Variants in NRXN3 observed in about 807,000 individuals in gnomAD.
NRXN3 encodes the protein neurexin III.
Under a neutral mutation model 137.6 loss-of-function variants are expected in NRXN3, and 32 were observed. The ratio of observed to expected loss-of-function variants is 0.23; its 90% confidence interval spans 0.18 to 0.31. The LOEUF is 0.31. Among genes scored for constraint, NRXN3 ranks in the 10% least tolerant of loss-of-function variants. The probability of loss-of-function intolerance (pLI) is 1.00; values close to 1 mark genes in which losing one functional copy is unlikely to be tolerated. For missense variants in NRXN3, 1,574 were observed against 2,062.5 expected, an observed-to-expected ratio of 0.76 and a Z score of 4.59; for synonymous variants, 798 against 784.5, an observed-to-expected ratio of 1.02 and a Z score of -0.29.
chr14:78,254,829 T>TTTTTC (rs2069265472), intron 2 of NRXN3, among the ~76,000 whole-genome samples: 1 of 152,144 alleles, frequency 6.6e-6, no homozygotes, highest in African/African-American at 2.4e-5. Flanking sequence ...AGTAGTATTT[T>TTTTTC]TTTTCTTTTC....
At chr14:79,800,985 A>T (rs2140488435) in intron 19 of NRXN3, among the ~76,000 whole-genome samples, 1 of 152,278 alleles carries the variant, frequency 6.6e-6, no homozygotes, top group East Asian at 1.9e-4. Flanking sequence ...TTTGCAAATT[A>T]AGGCCTCTGG....
chr14:79,471,527 C>T (rs1466300334), intron 16 of NRXN3, among the ~76,000 whole-genome samples: 1 of 152,176 alleles, frequency 6.6e-6, no homozygotes, highest in African/African-American at 2.4e-5. Flanking sequence ...GTATCTTAAG[C>T]TCATGTTGCA....
At chr14:79,372,875 C>T (rs1374708815) in intron 15 of NRXN3, among the ~76,000 whole-genome samples, 2 of 152,008 alleles carry the variant, frequency 1.3e-5, no homozygotes, top group African/African-American at 4.8e-5. Flanking sequence ...ATATCACAAC[C>T]CCTTCATTAG....
At chr14:78,251,776 G>A (rs1346964802) in intron 2 of NRXN3, among the ~76,000 whole-genome samples, 1 of 152,178 alleles carries the variant, frequency 6.6e-6, no homozygotes. Flanking sequence ...AGAGGAACAA[G>A]GTGGTATTTA....
chr14:79,005,374 G>A (rs1231561052), intron 15 of NRXN3, among the ~76,000 whole-genome samples: 1 of 151,858 alleles, frequency 6.6e-6, no homozygotes, highest in Non-Finnish European at 1.5e-5. Flanking sequence ...GTTCTTTTTT[G>A]TGGCCATCTA....
At chr14:79,600,501 A>C (rs1157553264) in intron 16 of NRXN3, among the ~76,000 whole-genome samples, 2 of 152,212 alleles carry the variant, frequency 1.3e-5, no homozygotes, top group East Asian at 3.8e-4. Context: ...ATAAGATATT[A>C]AGGTCAAATA....
At chr14:78,250,179 A>T (rs1204589692) in intron 2 of NRXN3, 4 of 475,712 alleles carry the variant, frequency 8.4e-6, no homozygotes, top group African/African-American at 2.0e-5. Flanking sequence ...TTGTGTCTAG[A>T]CAGTCTGGCT....
At chr14:78,277,953 G>GA (rs1294642621) in intron 2 of NRXN3, among the ~76,000 whole-genome samples, 1 of 152,068 alleles carries the variant, frequency 6.6e-6, no homozygotes, top group African/African-American at 2.4e-5. Context: ...GAAAAGCAAG[G>GA]AAAAAAATTA....
chr14:79,717,567 A>G (rs1230867832), intron 19 of NRXN3, among the ~76,000 whole-genome samples: 2 of 152,218 alleles, frequency 1.3e-5, no homozygotes, highest in Non-Finnish European at 2.9e-5. Flanking sequence ...AAAGCAATGC[A>G]GTTTAATTCT....
At chr14:78,893,807 A>G (rs944220830) in intron 10 of NRXN3, among the ~76,000 whole-genome samples, 20 of 151,956 alleles carry the variant, frequency 1.3e-4, no homozygotes, top group Non-Finnish European at 2.7e-4. Context: ...CCTTAGAGAT[A>G]TTGTGGGTGC....
At chr14:79,369,723 A>G (rs1203206470) in intron 15 of NRXN3, among the ~76,000 whole-genome samples, 1 of 152,170 alleles carries the variant, frequency 6.6e-6, no homozygotes, top group Non-Finnish European at 1.5e-5. Flanking sequence ...TAATCAGTTT[A>G]CTTGATAGTC....
chr14:79,689,978 T>A (rs2098710201), intron 17 of NRXN3, among the ~76,000 whole-genome samples: 1 of 152,204 alleles, frequency 6.6e-6, no homozygotes, highest in Non-Finnish European at 1.5e-5. Context: ...TACACCAATC[T>A]ATTCCGTAGT....
intron 2 of NRXN3, among the ~76,000 whole-genome samples, chr14:78,251,099 G>A (rs1031374495): frequency 6.6e-6 from 1 of 152,158 alleles, no homozygotes; most frequent in African/African-American, 2.4e-5. Context: ...TGGAGCACAG[G>A]TGCACCACAC....
intron 20 of NRXN3, among the ~76,000 whole-genome samples, chr14:79,815,218 G>C (rs1224170762): frequency 1.3e-5 from 2 of 152,146 alleles, no homozygotes; most frequent in Non-Finnish European, 2.9e-5. Flanking sequence ...GGAAGGATTT[G>C]ATTAGTTGGA....
At chr14:79,785,443 C>T (rs1474773083) in intron 19 of NRXN3, among the ~76,000 whole-genome samples, 3 of 152,180 alleles carry the variant, frequency 2.0e-5, no homozygotes, top group African/African-American at 7.2e-5. Flanking sequence ...TTTTTACTTT[C>T]CTGCCTCTAG....
chr14:78,721,137 T>G (rs2098457862), intron 8 of NRXN3, among the ~76,000 whole-genome samples: 1 of 152,228 alleles, frequency 6.6e-6, no homozygotes, highest in African/African-American at 2.4e-5. Context: ...ACGCACATTT[T>G]ATACCATTTT....
chr14:79,494,444 G>A (rs1378940330), intron 16 of NRXN3, among the ~76,000 whole-genome samples: 1 of 152,144 alleles, frequency 6.6e-6, no homozygotes, highest in African/African-American at 2.4e-5. Context: ...CAAAAGAGGT[G>A]AAAAGTGAGT....
chr14:79,128,593 G>A (rs1430626137), intron 15 of NRXN3, among the ~76,000 whole-genome samples: 2 of 151,860 alleles, frequency 1.3e-5, no homozygotes, highest in Non-Finnish European at 2.9e-5. Flanking sequence ...ATTTTATTGA[G>A]GATTTTTGCA....
intron 4 of NRXN3, among the ~76,000 whole-genome samples, chr14:78,370,799 A>G (rs1567390699): frequency 6.6e-6 from 1 of 152,188 alleles, no homozygotes; most frequent in African/African-American, 2.4e-5. Context: ...CTAAGATTGA[A>G]CTTCACTGTA....
Sources: gnomAD v4.1 joint callset for allele counts (sites outside exome capture counted in the v4.1 genomes callset) on GRCh38, gnomAD v4.1.1 for gene constraint, MANE v1.5 for transcripts, NCBI Gene and HGNC (gene_info 2026-07-23, HGNC 2026-07-21) for gene names.